ADGRL2: variants seen among roughly 807,000 people sequenced by gnomAD.
ADGRL2 encodes the protein calcium-independent alpha-latrotoxin receptor 2.
A neutral mutation model predicts 157.4 loss-of-function variants in ADGRL2; 44 were observed. That is an observed-to-expected ratio of 0.28 (90% CI 0.22 to 0.36). ADGRL2 has a LOEUF of 0.36. ADGRL2 is among the 10% of genes least tolerant of loss of function. The pLI is 1.00. For missense variants in ADGRL2, 1,510 were observed against 1,768.9 expected (o/e 0.85, Z 2.63); for synonymous variants, 585 against 624.7 (o/e 0.94, Z 0.95).
Position 81,993,271 on chromosome 1 carries a change from A to G in ADGRL2, c.*2126A>G, listed in dbSNP as rs1339325032. ...GCTAAAATTCTTCAGGGATTTATAA[A>G]CTACTTGCTAAAGGAGGGCATTAGA... On this transcript the variant is annotated 3_prime_UTR_variant, in exon 24 of 24. Coordinates refer to ENST00000686636, the MANE Select transcript of ADGRL2 (RefSeq NM_001366006.2). Among the ~76,000 whole-genome samples the G allele has an allele frequency of 6.6e-6, 1 of 150,610 alleles. No homozygotes were observed. The highest frequency in any genetic ancestry group is 1.5e-5 in the Non-Finnish European group (1 of 67,714).
chr1:81,754,042 T>A (rs1028796734), intron 1 of ADGRL2, among the ~76,000 whole-genome samples: 3 of 152,066 alleles, frequency 2.0e-5, no homozygotes, highest in Non-Finnish European at 4.4e-5. Context: ...AAATATTTTA[T>A]CCCATGACTA....
chr1:81,330,917 C>A (rs1661227497), intron 1 of ADGRL2, among the ~76,000 whole-genome samples: 1 of 152,170 alleles, frequency 6.6e-6, no homozygotes, highest in South Asian at 2.1e-4. Flanking sequence ...ATAACTATGA[C>A]TGTTAACATT....
intron 6 of ADGRL2, among the ~76,000 whole-genome samples, chr1:81,948,826 G>A (rs2149040304): frequency 6.6e-6 from 1 of 152,222 alleles, no homozygotes; most frequent in South Asian, 2.1e-4. Context: ...TTTCTCTTGA[G>A]GTAGAGGGGG....
chr1:81,928,809 G>A (rs1476733407), intron 3 of ADGRL2, among the ~76,000 whole-genome samples: 2 of 151,910 alleles, frequency 1.3e-5, no homozygotes, highest in Non-Finnish European at 2.9e-5. Flanking sequence ...ATGAAAAGGA[G>A]TGTCATTACA....
intron 3 of ADGRL2, among the ~76,000 whole-genome samples, chr1:81,643,383 G>T (rs2082257310): frequency 6.6e-6 from 1 of 152,164 alleles, no homozygotes; most frequent in South Asian, 2.1e-4. Context: ...TACAGTCATG[G>T]CTCACTGCAG....
chr1:81,358,580 G>C (rs2075912811), intron 1 of ADGRL2, among the ~76,000 whole-genome samples: 1 of 152,062 alleles, frequency 6.6e-6, no homozygotes, highest in Non-Finnish European at 1.5e-5. Flanking sequence ...TTTCTTTCTA[G>C]TGTACATTTC....
chr1:81,643,894 T>C (rs1313292812), intron 3 of ADGRL2, among the ~76,000 whole-genome samples: 1 of 152,182 alleles, frequency 6.6e-6, no homozygotes, highest in Non-Finnish European at 1.5e-5. Context: ...TTTGTGGATA[T>C]CAACAAACTG....
chr1:81,429,832 G>A (rs1396105524), intron 1 of ADGRL2, among the ~76,000 whole-genome samples: 1 of 152,164 alleles, frequency 6.6e-6, no homozygotes, highest in African/African-American at 2.4e-5. Flanking sequence ...AGAAAAGATG[G>A]GAAGCCCATG....
At chr1:81,648,382 G>T (rs550083340) in intron 3 of ADGRL2, among the ~76,000 whole-genome samples, 1 of 152,150 alleles carries the variant, frequency 6.6e-6, no homozygotes, top group Non-Finnish European at 1.5e-5. Context: ...TCTCTGCTCC[G>T]GTGTGCTGCC....
intron 1 of ADGRL2, chr1:81,427,447 TGTG>T: frequency 6.6e-6 from 5 of 753,394 alleles, no homozygotes; most frequent in Non-Finnish European, 7.3e-6. Flanking sequence ...TGGTGGTAAC[TGTG>T]GTGGTGGTGG....
intron 3 of ADGRL2, among the ~76,000 whole-genome samples, chr1:81,592,945 C>G (rs756127600): frequency 6.6e-6 from 1 of 152,084 alleles, no homozygotes; most frequent in Non-Finnish European, 1.5e-5. Context: ...TGGGTACTTT[C>G]CTATTCCTTC....
At chr1:81,543,144 T>C (rs1388273173) in intron 2 of ADGRL2, among the ~76,000 whole-genome samples, 1 of 152,102 alleles carries the variant, frequency 6.6e-6, no homozygotes, top group Non-Finnish European at 1.5e-5. Context: ...CCCTGGAACA[T>C]ATATGCTATG....
intron 1 of ADGRL2, among the ~76,000 whole-genome samples, chr1:81,824,039 A>G (rs1279191160): frequency 2.0e-5 from 3 of 152,152 alleles, no homozygotes; most frequent in African/African-American, 7.2e-5. Context: ...TCACAAAGTG[A>G]TAAGCGAAAG....
chr1:81,925,014 T>C (rs993906), intron 3 of ADGRL2, among the ~76,000 whole-genome samples: 84,802 of 151,824 alleles, frequency 0.56, 24,144 homozygotes, highest in East Asian at 0.89. Flanking sequence ...TGAAAATTCC[T>C]GAGGGGAGTT....
chr1:81,353,734 G>A (rs1181741160), intron 1 of ADGRL2, among the ~76,000 whole-genome samples: 1 of 152,134 alleles, frequency 6.6e-6, no homozygotes, highest in Non-Finnish European at 1.5e-5. Flanking sequence ...GGAGAAAAGG[G>A]TGAGTATGCC....
chr1:81,810,696 GT>G (rs1287140530), intron 1 of ADGRL2, among the ~76,000 whole-genome samples: 1 of 151,364 alleles, frequency 6.6e-6, no homozygotes, highest in Non-Finnish European at 1.5e-5. Flanking sequence ...TTTTTTTTTA[GT>G]TTGATGAAGG....
At chr1:81,541,536 T>C (rs2079883337) in intron 2 of ADGRL2, among the ~76,000 whole-genome samples, 1 of 152,180 alleles carries the variant, frequency 6.6e-6, no homozygotes, top group African/African-American at 2.4e-5. Flanking sequence ...AACTCACAGA[T>C]GGCAAACATA....
At chr1:81,722,502 A>G (rs2084366131) in intron 1 of ADGRL2, 11 of 1,558,956 alleles carry the variant, frequency 7.1e-6, no homozygotes, top group Admixed American at 1.7e-5. Context: ...GCTGCCATCC[A>G]AGACTGTGAC....
chr1:81,562,127 G>A (rs1214413720), intron 2 of ADGRL2, among the ~76,000 whole-genome samples: 1 of 152,144 alleles, frequency 6.6e-6, no homozygotes, highest in Non-Finnish European at 1.5e-5. Flanking sequence ...TGGTTGCAAG[G>A]AGAAGGACAA....
Sources: allele counts gnomAD v4.1 joint callset (sites outside exome capture counted in the v4.1 genomes callset), GRCh38; gene constraint gnomAD v4.1.1; transcripts MANE v1.5; gene names NCBI Gene and HGNC (gene_info 2026-07-23, HGNC 2026-07-21).